The following HEATR5B variants were observed in gnomAD, a reference collection of about 807,000 sequenced individuals.
The protein encoded by HEATR5B is HEAT repeat-containing protein 5B.
A neutral mutation model predicts 224.1 loss-of-function variants in HEATR5B; 156 were observed. That is an observed-to-expected ratio of 0.70 (90% CI 0.61 to 0.80). The LOEUF is 0.80. Among genes scored for constraint, HEATR5B ranks in the 30% least tolerant of loss-of-function variants. The probability of loss-of-function intolerance (pLI) is 0.00; values close to 1 mark genes in which losing one functional copy is unlikely to be tolerated. For missense variants in HEATR5B, 2,323 were observed against 2,535.5 expected (o/e 0.92, Z 1.80); for synonymous variants, 1,027 against 893.0 (o/e 1.15, Z -2.68).
intron 26 of HEATR5B, among the ~76,000 whole-genome samples, chr2:37,014,788 C>G: frequency 6.6e-6 from 1 of 151,620 alleles, no homozygotes; most frequent in Non-Finnish European, 1.5e-5. Flanking sequence ...ACCATCCTGA[C>G]CAACATGGTG....
chr2:37,030,402 G>C (rs1283581569), intron 22 of HEATR5B, among the ~76,000 whole-genome samples: 1 of 152,178 alleles, frequency 6.6e-6, no homozygotes, highest in Non-Finnish European at 1.5e-5. Context: ...TCTATAGTAT[G>C]AATGTTAACG....
At position 37,002,350 on chromosome 2, in the gene HEATR5B, G is replaced by T; in HGVS notation, c.5273C>A (p.Thr1758Lys). The T allele has an allele frequency of 6.2e-7, 1 of 1,614,232 alleles. No individual in the cohort carries two copies. Among genetic ancestry groups the T allele is most frequent in the Admixed American group, 1.7e-5 (1 of 60,024 alleles). ...TGGTAAATCAGAGAGTATGGTAACTGTGGCTGCCACCAAACGAGCACTTTC... is the reference window on the plus strand; with the variant it reads ...TGGTAAATCAGAGAGTATGGTAACTTTGGCTGCCACCAAACGAGCACTTTC... The part of the protein sequence containing the change: ...SEESARLVAA[T>K]VTILSDLPSL... The change falls in exon 32 of 36, where the codon ACA becomes AAA. Residue 1758 changes from threonine (T) to lysine (K), a missense_variant. Coordinates refer to ENST00000233099, the MANE Select transcript of HEATR5B (RefSeq NM_019024.3).
intron 2 of HEATR5B, among the ~76,000 whole-genome samples, chr2:37,080,830 G>C (rs1441618501): frequency 6.6e-6 from 1 of 151,346 alleles, no homozygotes; most frequent in Non-Finnish European, 1.5e-5. Flanking sequence ...ACAAGAAGTA[G>C]TAGTTAGTGA....
chr2:37,002,462 A>T lies in HEATR5B; in HGVS notation c.5161T>A (p.Phe1721Ile), dbSNP rs1314495981. The T allele has an allele frequency of 1.9e-6, 3 of 1,614,100 alleles. No individual in the cohort carries two copies. In the Admixed American group the frequency reaches 5.0e-5, roughly 27 times the overall value. Reference protein sequence around the residue: ...LVFATMELLMFILVRHMPHLS... With the variant: ...LVFATMELLMIILVRHMPHLS... ...TGTGGCATATGCCGTACTAAAATGA[A>T]CATCAGCAGCTCCATAGTTGCAAAC... Residue 1721 changes from phenylalanine to isoleucine, a missense_variant, in exon 32 of 36, where the codon TTC becomes ATC. By Grantham distance (21) the Phe-to-Ile change is conservative. Coordinates refer to ENST00000233099, the MANE Select transcript of HEATR5B (RefSeq NM_019024.3).
intron 32 of HEATR5B, 139 bp downstream of exon 32, chr2:37,002,167 C>T (rs1667129603): frequency 1.1e-6 from 1 of 945,562 alleles, no homozygotes. Context: ...GTAGACAAAA[C>T]CTTAAAAAAA....
In HEATR5B at chr2:36,993,667, C is replaced by T. The variant is rs1374611694; in HGVS notation, c.5546-2868G>A. ...ATGGCAACTTCATAGTGGGGAAACA[C>T]GGCAGACAACTTCTTAACAAAGTTA... On this transcript the variant is annotated intron_variant, in intron 33 of 35. Transcript: ENST00000233099. 4.0e-5 allele frequency among the ~76,000 whole-genome samples: 6 copies of T among 151,882 alleles called. No individual in the cohort carries two copies. In the East Asian group the frequency reaches 9.6e-4, roughly 24 times the overall value.
At chr2:37,070,499 GT>G (rs1671842045) in intron 6 of HEATR5B, 112 bp from the exon 7 acceptor site, 1 of 774,966 alleles carries the variant, frequency 1.3e-6, no homozygotes, top group African/African-American at 1.7e-5. Flanking sequence ...AAATGGTTTA[GT>G]TTCCTTATAA....
rs1340170639 is a variant in HEATR5B at position 37,060,877 on chromosome 2, A to G, written c.1697-144T>C. 1.1e-5 allele frequency: 6 copies of G among 522,848 alleles called. No individual in the cohort carries two copies. The East Asian group carries it at 2.0e-4, about 17-fold the overall frequency. 32.4% of individuals were successfully genotyped at this position (522,848 alleles called of 1,614,324 possible). ...ATACTGATGTTTAACAATATCTGTT[A>G]TTTCACTCTATTTTTATCTCTAAAA... On this transcript the variant is annotated intron_variant, in intron 11 of 35. Transcript: ENST00000233099.
intron 15 of HEATR5B, 152 bp from the exon 16 acceptor site, chr2:37,056,767 T>A: frequency 1.6e-6 from 1 of 618,736 alleles, no homozygotes; most frequent in Non-Finnish European, 2.7e-6. Context: ...GACCAAAATG[T>A]AATTTGGTCA....
At chr2:36,993,137 G>A (rs1251150126) in intron 33 of HEATR5B, among the ~76,000 whole-genome samples, 1 of 152,096 alleles carries the variant, frequency 6.6e-6, no homozygotes, top group African/African-American at 2.4e-5. Flanking sequence ...CAGTGAGGGG[G>A]AAATACTCAG....
chr2:36,997,805 A>G (rs1666829006), intron 33 of HEATR5B, among the ~76,000 whole-genome samples: 1 of 151,482 alleles, frequency 6.6e-6, no homozygotes, highest in East Asian at 1.9e-4. Context: ...TGACCTCATG[A>G]TCCACCCGCC....
chr2:37,075,750 TA>T, intron 4 of HEATR5B, 116 bp from the exon 5 acceptor site: 1 of 604,036 alleles, frequency 1.7e-6, no homozygotes. Flanking sequence ...TTATAAACGG[TA>T]AATAATGAAA....
Position 37,058,807 on chromosome 2 carries a change from G to C in HEATR5B, c.1949+81C>G, listed in dbSNP as rs571463701. 91 of 898,926 alleles carry C rather than the reference G, an allele frequency of 1.0e-4. No homozygotes were observed. The African/African-American group carries it at 1.5e-3, about 15-fold the overall frequency. The allele number at this position is 898,926 out of a possible 1,614,324, so 55.7% of individuals were successfully genotyped here. A position where few individuals can be genotyped will look rare whatever the true frequency, so the allele number is the denominator to read the frequency against. ...GTTTTATGTTTCCTAGATGATTCTA[G>C]AAGAAAGCACAAAATATGGCTGAGA... On this transcript the variant is annotated intron_variant, in intron 13 of 35. Transcript: ENST00000233099.
chr2:37,047,315 T>C (rs181481519), intron 18 of HEATR5B, among the ~76,000 whole-genome samples: 1 of 152,362 alleles, frequency 6.6e-6, no homozygotes, highest in South Asian at 2.1e-4. Flanking sequence ...AGTGAAATTA[T>C]TATTATTCCT....
Position 37,083,293 on chromosome 2 carries a change from T to G in HEATR5B, c.122A>C (p.Asn41Thr). Residue 41 changes from asparagine (N) to threonine (T), a missense_variant, in exon 2 of 36, where the codon AAC becomes ACC. This residue lies in a region of HEATR5B where 292 missense variants were observed against 332.6 expected (regional missense o/e 0.88). Coordinates refer to ENST00000233099, the MANE Select transcript of HEATR5B (RefSeq NM_019024.3). ...RFLDKVLVAA[N>T]KTDVKEKQKK... The stretch of plus-strand genomic sequence containing the variant: ...GAAAAAAGAGCAATACCATACCTTG[T>G]TGGCAGCAACCAAGACTTTATCAAG... The G allele has an allele frequency of 1.2e-6, 2 of 1,614,090 alleles. No individual in the cohort carries two copies. The highest frequency in any genetic ancestry group is 1.7e-6 in the Non-Finnish European group (2 of 1,179,984).
intron 32 of HEATR5B, among the ~76,000 whole-genome samples, chr2:37,001,412 G>A (rs1667081885): frequency 6.6e-6 from 1 of 151,932 alleles, no homozygotes; most frequent in Admixed American, 6.6e-5. Context: ...CTCCAAATAT[G>A]GAGAATTCAT....
At chr2:37,020,536 T>C (rs1668399282) in intron 25 of HEATR5B, 119 bp downstream of exon 25, 3 of 599,944 alleles carry the variant, frequency 5.0e-6, no homozygotes, top group South Asian at 3.3e-5. Flanking sequence ...GATAAAGAGA[T>C]GCATTCTACA....
intron 12 of HEATR5B, among the ~76,000 whole-genome samples, chr2:37,059,455 T>C (rs1572909781): frequency 9.3e-6 from 1 of 107,840 alleles, no homozygotes; most frequent in Non-Finnish European, 1.9e-5. Context: ...TGTATATATA[T>C]ATATATATAT....
chr2:36,992,983 C>A (rs1666438066), intron 33 of HEATR5B, among the ~76,000 whole-genome samples: 1 of 152,142 alleles, frequency 6.6e-6, no homozygotes, highest in Non-Finnish European at 1.5e-5. Context: ...CCTTGGCCTC[C>A]CAAAGTGCTG....
Sources: allele counts gnomAD v4.1 joint callset (sites outside exome capture counted in the v4.1 genomes callset), GRCh38; gene constraint gnomAD v4.1.1; regional missense constraint gnomAD v4.1.1; transcripts MANE v1.5; gene names NCBI Gene and HGNC (gene_info 2026-07-23, HGNC 2026-07-21).